Variants in CSMD3 observed in about 807,000 individuals in gnomAD.
CSMD3 encodes the protein CUB and sushi domain-containing protein 3.
Under a neutral mutation model 435.2 loss-of-function variants are expected in CSMD3, and 177 were observed. The ratio of observed to expected loss-of-function variants is 0.41; its 90% CI spans 0.36 to 0.46. The LOEUF is 0.46. Ranked by LOEUF, CSMD3 falls within the 20% of genes least tolerant of loss-of-function variation. The pLI is 0.34. For missense variants in CSMD3, 4,265 were observed against 4,504.6 expected (o/e 0.95, Z 1.52); for synonymous variants, 1,656 against 1,520.5 (o/e 1.09, Z -2.07).
chr8:112,636,966 T>G lies in CSMD3; in HGVS notation c.3566A>C (p.Gln1189Pro), dbSNP rs1586856851. The G allele has an allele frequency of 1.2e-6, 2 of 1,613,652 alleles. No individual in the cohort carries two copies. Residue 1189 changes from glutamine (Q) to proline (P), a missense_variant, in exon 22 of 71, where the codon CAA becomes CCA. Gln to Pro is a moderately conservative substitution (Grantham distance 76). Transcript: ENST00000297405. ...LEPCEDPGIP[Q>P]YGSRIGFNFG... is the part of the protein sequence containing the mutation. Reference sequence around the variant, plus strand: ...GTTGAACCCGATTCGACTACCATATTGAGGAATGCCAGGATCTTCACAAGG... The same window carrying G: ...GTTGAACCCGATTCGACTACCATATGGAGGAATGCCAGGATCTTCACAAGG...
At chr8:113,195,952 T>C (rs554661926) in intron 3 of CSMD3, among the ~76,000 whole-genome samples, 2 of 150,560 alleles carry the variant, frequency 1.3e-5, no homozygotes, top group South Asian at 2.1e-4. Context: ...ATCCTTCTCA[T>C]ACAGATATTA....
intron 1 of CSMD3, among the ~76,000 whole-genome samples, chr8:113,333,553 C>T (rs2094044321): frequency 6.6e-6 from 1 of 151,698 alleles, no homozygotes; most frequent in Non-Finnish European, 1.5e-5. Context: ...AAATGAAATG[C>T]TTTTATACCT....
chr8:112,356,165 A>G (rs1001790196), intron 38 of CSMD3, among the ~76,000 whole-genome samples: 3 of 152,120 alleles, frequency 2.0e-5, no homozygotes, highest in Admixed American at 6.6e-5. Flanking sequence ...TAACCCAGCA[A>G]TCTCATTACT....
intron 6 of CSMD3, among the ~76,000 whole-genome samples, chr8:112,992,195 T>C (rs1344754000): frequency 2.0e-5 from 3 of 151,790 alleles, no homozygotes; most frequent in African/African-American, 4.8e-5. Context: ...TTTTTCTTTC[T>C]TTCTTTCTTT....
At chr8:112,433,723 C>G (rs977152334) in intron 32 of CSMD3, among the ~76,000 whole-genome samples, 2 of 150,234 alleles carry the variant, frequency 1.3e-5, no homozygotes, top group African/African-American at 4.9e-5. Flanking sequence ...TACAACAAAC[C>G]TATTTGAAAA....
At chr8:113,026,190 G>A (rs1587916422) in intron 5 of CSMD3, among the ~76,000 whole-genome samples, 1 of 152,108 alleles carries the variant, frequency 6.6e-6, no homozygotes, top group African/African-American at 2.4e-5. Flanking sequence ...TCGGGAACGG[G>A]GACTGCTGGT....
intron 1 of CSMD3, among the ~76,000 whole-genome samples, chr8:113,345,647 T>C (rs1477322264): frequency 6.6e-6 from 1 of 151,774 alleles, no homozygotes; most frequent in Admixed American, 6.6e-5. Flanking sequence ...TATTTGTCAT[T>C]TTATAAGGAA....
intron 13 of CSMD3, among the ~76,000 whole-genome samples, chr8:112,710,137 AT>A (rs1338088586): frequency 5.3e-5 from 8 of 152,106 alleles, no homozygotes; most frequent in Admixed American, 2.0e-4. Flanking sequence ...CCATAAAGAT[AT>A]GGGGTTTATT....
At chr8:113,141,285 C>T (rs1006942840) in intron 4 of CSMD3, among the ~76,000 whole-genome samples, 1 of 149,820 alleles carries the variant, frequency 6.7e-6, no homozygotes, top group Non-Finnish European at 1.5e-5. Context: ...TAATATCTTC[C>T]AAAAAAACAG....
At position 112,921,822 on chromosome 8, in the gene CSMD3, G is replaced by C; in HGVS notation, c.1509-71C>G. On this transcript the variant is annotated intron_variant, in intron 9 of 70. Coordinates refer to ENST00000297405, the MANE Select transcript of CSMD3 (RefSeq NM_198123.2). ...ATAATAACTAGGCTTCACTTCTGCTGGCAATATCCAATAGGTCAAATATGT... is the reference window on the plus strand; with the variant it reads ...ATAATAACTAGGCTTCACTTCTGCTCGCAATATCCAATAGGTCAAATATGT... 3 of 1,237,950 alleles carry C rather than the reference G, an allele frequency of 2.4e-6. No homozygotes were observed. The South Asian group carries it at 3.6e-5, about 15-fold the overall frequency. 76.7% of individuals were successfully genotyped at this position (1,237,950 alleles called of 1,614,324 possible). A position where few individuals can be genotyped will look rare whatever the true frequency, so the allele number is the denominator to read the frequency against.
At chr8:113,215,908 CT>C (rs1563557565) in intron 3 of CSMD3, among the ~76,000 whole-genome samples, 1 of 151,552 alleles carries the variant, frequency 6.6e-6, no homozygotes, top group Non-Finnish European at 1.5e-5. Flanking sequence ...TTTGTGAATA[CT>C]TTTTTAAAAA....
chr8:112,685,363 T>C (rs745972181), intron 15 of CSMD3, 43 bp downstream of exon 15: 1 of 1,512,678 alleles, frequency 6.6e-7, no homozygotes. Context: ...CTCAAATTTA[T>C]AGAAATATAT....
chr8:112,763,061 A>G (rs1470366067), intron 13 of CSMD3, among the ~76,000 whole-genome samples: 1 of 151,824 alleles, frequency 6.6e-6, no homozygotes, highest in African/African-American at 2.4e-5. Flanking sequence ...TCTCACCACA[A>G]AAATGATAAC....
At chr8:113,290,334 C>A (rs1032336359) in intron 2 of CSMD3, among the ~76,000 whole-genome samples, 1 of 151,580 alleles carries the variant, frequency 6.6e-6, no homozygotes, top group African/African-American at 2.4e-5. Flanking sequence ...TTCATCTAGA[C>A]ATTGTAAAAT....
chr8:112,298,852 T>C (rs1483914683), intron 53 of CSMD3, among the ~76,000 whole-genome samples: 1 of 152,158 alleles, frequency 6.6e-6, no homozygotes, highest in African/African-American at 2.4e-5. Flanking sequence ...CTCTCCCACA[T>C]GTATTCTGTT....
intron 52 of CSMD3, 134 bp downstream of exon 52, chr8:112,304,587 C>G: frequency 1.4e-6 from 1 of 703,956 alleles, no homozygotes; most frequent in African/African-American, 1.8e-5. Context: ...AATTTAAAAA[C>G]GTAACGAGAA....
chr8:112,408,482 A>C (rs1563909693), intron 33 of CSMD3, 69 bp from the exon 34 acceptor site: 1 of 942,142 alleles, frequency 1.1e-6, no homozygotes, highest in Non-Finnish European at 1.7e-6. Context: ...AAATTATATT[A>C]TAATCTTACA....
At position 112,265,595 on chromosome 8, in the gene CSMD3, C is replaced by G. The variant is rs753948006; in HGVS notation, c.9509-5G>C. ...CTGGGTCTCCACAACTGATTACTGT[C>G]AGTATTGGATTAGAAGAGCAGATGG... is the stretch of plus-strand genomic sequence containing the variant. On this transcript the variant is annotated splice_polypyrimidine_tract_variant and splice_region_variant and intron_variant, in intron 59 of 70. Coordinates refer to ENST00000297405, the MANE Select transcript of CSMD3 (RefSeq NM_198123.2). 2 of 1,606,850 alleles carry G rather than the reference C, an allele frequency of 1.2e-6. No individual in the cohort carries two copies. The highest frequency in any genetic ancestry group is 1.1e-5 in the South Asian group (1 of 90,914).
intron 27 of CSMD3, among the ~76,000 whole-genome samples, chr8:112,529,419 C>A (rs1297401820): frequency 6.6e-6 from 1 of 152,058 alleles, no homozygotes; most frequent in African/African-American, 2.4e-5. Context: ...AAAACCACAA[C>A]CCTACAAAAA....
Sources: allele counts gnomAD v4.1 joint callset (sites outside exome capture counted in the v4.1 genomes callset), GRCh38; gene constraint gnomAD v4.1.1; transcripts MANE v1.5; gene names NCBI Gene and HGNC (gene_info 2026-07-23, HGNC 2026-07-21).